DRC7: variants seen among roughly 807,000 people sequenced by gnomAD.
DRC7 encodes the protein dynein regulatory complex subunit 7, also known as coiled-coil domain containing 135.
A neutral mutation model predicts 104.4 loss-of-function variants in DRC7; 80 were observed. That is an observed-to-expected ratio of 0.77 (90% CI 0.64 to 0.92). DRC7 has a LOEUF of 0.92. Among genes scored for constraint, DRC7 ranks in the 40% least tolerant of loss-of-function variants. The pLI is 0.00. For synonymous variants in DRC7, 405 were observed against 447.3 expected (o/e 0.91, Z 1.19); for missense variants, 1,034 against 1,141.1 (o/e 0.91, Z 1.35).
At chr16:57,727,881 G>A (rs532894407) in intron 16 of DRC7, among the ~76,000 whole-genome samples, 8 of 152,342 alleles carry the variant, frequency 5.3e-5, no homozygotes, top group Non-Finnish European at 7.3e-5. Flanking sequence ...TTTGGGGGTC[G>A]TGAGGCAGGA....
intron 8 of DRC7, 23 bp downstream of exon 8, chr16:57,707,701 G>A: frequency 1.9e-6 from 3 of 1,604,772 alleles, no homozygotes; most frequent in Non-Finnish European, 2.6e-6. Context: ...GGGGAGCTGG[G>A]TGGGTGTGGC....
intron 17 of DRC7, among the ~76,000 whole-genome samples, chr16:57,730,161 A>ATGAG (rs371577405): frequency 0.31 from 34,630 of 112,080 alleles, 7,329 homozygotes; most frequent in African/African-American, 0.62. Flanking sequence ...GGATGGATGG[A>ATGAG]TGAGTAGGTG....
intron 5 of DRC7, among the ~76,000 whole-genome samples, chr16:57,701,151 A>C (rs1408916099): frequency 6.6e-6 from 1 of 152,200 alleles, no homozygotes; most frequent in African/African-American, 2.4e-5. Flanking sequence ...TGGCTATTCA[A>C]GCAGGGGCCT....
intron 12 of DRC7, among the ~76,000 whole-genome samples, chr16:57,724,176 G>T (rs2048937014): frequency 6.6e-6 from 1 of 151,958 alleles, no homozygotes; most frequent in Non-Finnish European, 1.5e-5. Flanking sequence ...CAGGTGTGGT[G>T]GCAGGTGCCT....
At chr16:57,730,113 G>A (rs1175643773) in intron 17 of DRC7, among the ~76,000 whole-genome samples, 1 of 135,450 alleles carries the variant, frequency 7.4e-6, no homozygotes, top group Non-Finnish European at 1.5e-5. Context: ...GAGTGAGCGG[G>A]TGGGTGGATG....
chr16:57,713,898 C>T (rs139517621), intron 8 of DRC7: 127 of 159,448 alleles, frequency 8.0e-4, no homozygotes, highest in Non-Finnish European at 1.6e-3. Flanking sequence ...TTTGGGGCAG[C>T]AAGTAGGTCA....
In DRC7 at chr16:57,728,529, A is replaced by T; in HGVS notation, c.2336A>T (p.Asp779Val). Residue 779 changes from aspartate to valine, a missense_variant, in exon 17 of 19, where the codon GAC (aspartate) becomes GTC (valine). By Grantham distance (152) the Asp-to-Val change is radical. Transcript: ENST00000360716. ...CGCCTCAAGGATGAGTGCCTCAGCGACTTCAAGCAGCGGCTCATCAACAAG... is the reference window on the plus strand; with the variant it reads ...CGCCTCAAGGATGAGTGCCTCAGCGTCTTCAAGCAGCGGCTCATCAACAAG... ...AVRLKDECLS[D>V]FKQRLINKAN... is the part of the protein sequence containing the mutation. 6.2e-7 allele frequency: 1 copy of T among 1,611,528 alleles called. No homozygotes were observed. The highest frequency in any genetic ancestry group is 8.5e-7 in the Non-Finnish European group (1 of 1,179,324).
At chr16:57,708,847 G>T (rs1050489552) in intron 8 of DRC7, among the ~76,000 whole-genome samples, 3 of 152,134 alleles carry the variant, frequency 2.0e-5, no homozygotes, top group Admixed American at 2.0e-4. Flanking sequence ...ATTGATTTTT[G>T]GCTGAGTGTG....
Position 57,731,054 on chromosome 16 carries a change from G to C in DRC7, c.2515G>C (p.Glu839Gln). ...GGCCATGTTCCGCATCCGCATCCTG[G>C]AGCAGCGCCTCAATCGGTGAGCAGG... is the stretch of plus-strand genomic sequence containing the variant. ...SQAMFRIRILEQRLNRHKELA... is the reference protein window; with the variant it reads ...SQAMFRIRILQQRLNRHKELA... Residue 839 changes from glutamate (E) to glutamine (Q), a missense_variant, in exon 18 of 19, where the codon GAG becomes CAG. Transcript: ENST00000360716. The C allele has an allele frequency of 6.2e-7, 1 of 1,613,738 alleles. No homozygotes were observed. Among genetic ancestry groups the C allele is most frequent in the Non-Finnish European group, 8.5e-7 (1 of 1,179,970 alleles).
intron 8 of DRC7, 105 bp from the exon 9 acceptor site, chr16:57,718,242 G>T (rs1385908039): frequency 6.9e-7 from 1 of 1,452,234 alleles, no homozygotes; most frequent in African/African-American, 1.4e-5. Context: ...CCTGGGCCCA[G>T]GTCCCTTCTC....
intron 12 of DRC7, 122 bp from the exon 13 acceptor site, chr16:57,724,493 C>T (rs1386328749): frequency 3.1e-6 from 2 of 643,442 alleles, no homozygotes; most frequent in Non-Finnish European, 5.3e-6. Flanking sequence ...TGGTTCATAG[C>T]TAACCTCATC....
intron 14 of DRC7, 27 bp downstream of exon 14, chr16:57,726,310 G>C: frequency 6.3e-7 from 1 of 1,594,136 alleles, no homozygotes; most frequent in Non-Finnish European, 8.6e-7. Context: ...CGGCGGGCAG[G>C]GGTCGGCTGC....
intron 8 of DRC7, among the ~76,000 whole-genome samples, chr16:57,711,752 A>G (rs2048793319): frequency 6.6e-6 from 1 of 152,176 alleles, no homozygotes; most frequent in South Asian, 2.1e-4. Context: ...GTTTTTAGGG[A>G]CAACTTGGTG....
chr16:57,714,654 A>G, intron 8 of DRC7: 2 of 203,096 alleles, frequency 9.8e-6, no homozygotes, highest in Non-Finnish European at 2.0e-5. Flanking sequence ...ACACACATAC[A>G]TATGCACTGG....
At chr16:57,709,889 AG>A (rs2048775575) in intron 8 of DRC7, among the ~76,000 whole-genome samples, 1 of 152,164 alleles carries the variant, frequency 6.6e-6, no homozygotes, top group Admixed American at 6.5e-5. Context: ...CAGCCTCCCG[AG>A]TAGCTGGGAC....
intron 17 of DRC7, 62 bp from the exon 18 acceptor site, chr16:57,730,862 TTGCAGCC>T: frequency 6.4e-7 from 1 of 1,551,898 alleles, no homozygotes; most frequent in East Asian, 2.2e-5. Context: ...ACCCATGGGA[TTGCAGCC>T]TGCAGCCTGG....
Position 57,731,525 on chromosome 16 carries a change from AC to A in DRC7, c.*272del. The A allele has an allele frequency of 4.2e-6, 2 of 474,518 alleles. No individual in the cohort carries two copies. Among genetic ancestry groups the A allele is most frequent in the Admixed American group, 3.7e-5 (1 of 26,700 alleles). 29.4% of individuals were successfully genotyped at this position (474,518 alleles called of 1,614,324 possible). ...CTTCTGTTATCTATAGCCTGGGACC[AC>A]CCCCTTCCTCCCCTTGGCCTGTCGT... is the stretch of plus-strand genomic sequence containing the variant. On this transcript the variant is annotated 3_prime_UTR_variant, in exon 19 of 19. Transcript: ENST00000360716.
In DRC7 at chr16:57,700,373, G is replaced by A. The variant is rs922054458; in HGVS notation, c.504+103G>A. The A allele has an allele frequency of 1.7e-5, 24 of 1,435,056 alleles. No homozygotes were observed. The Admixed American group carries it at 2.6e-4, about 16-fold the overall frequency. The allele number at this position is 1,435,056 out of a possible 1,614,324, so 88.9% of individuals were successfully genotyped here. On this transcript the variant is annotated intron_variant, in intron 5 of 18. Coordinates refer to ENST00000360716, the MANE Select transcript of DRC7 (RefSeq NM_001289162.2). ...CCCAAAGAATGGACTTAGAGGCCGG[G>A]CGTGGTAGCTCATGCCTGTAATCCC...
chr16:57,727,222 T>C (rs1242334622), intron 15 of DRC7, 77 bp from the exon 16 acceptor site: 4 of 1,208,520 alleles, frequency 3.3e-6, no homozygotes, highest in Non-Finnish European at 4.9e-6. Context: ...CTGCCCTCCT[T>C]GGCTTCCCAA....
Sources: gnomAD v4.1 joint callset for allele counts (sites outside exome capture counted in the v4.1 genomes callset) on GRCh38, gnomAD v4.1.1 for gene constraint, MANE v1.5 for transcripts, NCBI Gene and HGNC (gene_info 2026-07-23, HGNC 2026-07-21) for gene names.